Variants in CCDC122 observed in about 807,000 individuals in gnomAD.
The protein encoded by CCDC122 is coiled-coil domain containing 122, also known as coiled-coil domain-containing protein 122.
A neutral mutation model predicts 37.0 loss-of-function variants in CCDC122; 38 were observed. The observed-to-expected ratio is 1.03, with a 90% CI of 0.79 to 1.35. The LOEUF is 1.35. CCDC122 is among the 40% of genes most tolerant of loss of function. The pLI, the probability that CCDC122 is intolerant of heterozygous loss-of-function variation, is 0.00. For missense variants in CCDC122, 305 were observed against 310.0 expected, an observed-to-expected ratio of 0.98 and a Z score of 0.12; for synonymous variants, 83 against 95.6, an observed-to-expected ratio of 0.87 and a Z score of 0.77.
rs1371162303 is a variant in CCDC122 at position 43,869,416 on chromosome 13, C to G, written c.-40G>C. On this transcript the variant is annotated 5_prime_UTR_variant, in exon 3 of 7. Transcript: ENST00000444614. ...ATCTCTTTTCCCCTTTTTGATTTACCTTCTTTACTCCTACTCAATAATCTA... is the reference window on the plus strand; with the variant it reads ...ATCTCTTTTCCCCTTTTTGATTTACGTTCTTTACTCCTACTCAATAATCTA... 6.7e-7 allele frequency: 1 copy of G among 1,491,496 alleles called. No homozygotes were observed. Among genetic ancestry groups the G allele is most frequent in the South Asian group, 1.2e-5 (1 of 84,952 alleles). 92.4% of individuals were successfully genotyped at this position (1,491,496 alleles called of 1,614,324 possible).
intron 3 of CCDC122, among the ~76,000 whole-genome samples, chr13:43,826,542 C>T (rs918020459): frequency 3.3e-5 from 5 of 152,066 alleles, no homozygotes; most frequent in Admixed American, 2.0e-4. Flanking sequence ...TTAATGAAAG[C>T]TCAAAACTCC....
chr13:43,874,837 T>C lies in CCDC122; in HGVS notation c.-114+5A>G, dbSNP rs1954560933. The C allele has an allele frequency of 6.6e-6, 1 of 152,296 alleles. No individual in the cohort carries two copies. The highest frequency in any genetic ancestry group is 1.5e-5 in the Non-Finnish European group (1 of 68,040). 9.4% of individuals were successfully genotyped at this position (152,296 alleles called of 1,614,324 possible). On this transcript the variant is annotated splice_donor_5th_base_variant and intron_variant, in intron 2 of 6. Transcript: ENST00000444614. Reference sequence around the variant, plus strand: ...TAATTGAATAATTAAAAATAAACTGTATACCTATTATACACCAGTACCGCT... The same window carrying C: ...TAATTGAATAATTAAAAATAAACTGCATACCTATTATACACCAGTACCGCT...
chr13:43,842,354 T>C (rs1953384594), intron 6 of CCDC122, among the ~76,000 whole-genome samples: 1 of 152,130 alleles, frequency 6.6e-6, no homozygotes, highest in Admixed American at 6.5e-5. Context: ...TGACAAAATA[T>C]GATTAATTTC....
intron 4 of CCDC122, among the ~76,000 whole-genome samples, chr13:43,864,044 T>C (rs996385261): frequency 6.6e-6 from 1 of 152,164 alleles, no homozygotes; most frequent in African/African-American, 2.4e-5. Context: ...AATTTGAGGT[T>C]CAGAATTTTT....
chr13:43,858,851 G>C lies in CCDC122; in HGVS notation c.602C>G (p.Ser201Cys). ...LKDKIITVKE[S>C]IIEKTCFLEE... ...AAGAAAACAAGTTTTTTCAATGATA[G>C]ATTCTTTTACAGTTATAATTTTATC... Residue 201 changes from serine (S) to cysteine (C), a missense_variant, in exon 6 of 7, where the codon TCT becomes TGT. Transcript: ENST00000444614. The C allele has an allele frequency of 7.1e-7, 1 of 1,411,414 alleles. No individual in the cohort carries two copies. Among genetic ancestry groups the C allele is most frequent in the African/African-American group, 1.5e-5 (1 of 68,710 alleles). 87.4% of individuals were successfully genotyped at this position (1,411,414 alleles called of 1,614,324 possible).
downstream of CCDC122, among the ~76,000 whole-genome samples, chr13:43,820,879 G>T (rs778429311): frequency 1.6e-4 from 25 of 152,186 alleles, no homozygotes; most frequent in Non-Finnish European, 2.8e-4. Context: ...ATTTTGAAGG[G>T]TATGCGTTCT....
rs1954014785 is a variant in CCDC122 at position 43,858,842 on chromosome 13, TC to T, written c.610del (p.Glu204LysfsTer16). 1 of 1,426,456 alleles carries T rather than the reference TC, an allele frequency of 7.0e-7. No homozygotes were observed. Among genetic ancestry groups the T allele is most frequent in the South Asian group, 1.3e-5 (1 of 74,272 alleles). The allele number at this position is 1,426,456 out of a possible 1,614,324, so 88.4% of individuals were successfully genotyped here. On this transcript the variant is annotated frameshift_variant, in exon 6 of 7. Coordinates refer to ENST00000444614, the MANE Select transcript of CCDC122 (RefSeq NM_144974.5). LOFTEE classifies it high-confidence loss of function. The stretch of plus-strand genomic sequence containing the variant: ...TTCTTCCTCAAGAAAACAAGTTTTT[TC>T]AATGATAGATTCTTTTACAGTTATA... ...KIITVKESII[E>X]KTCFLEEEKK...
intron 2 of CCDC122, among the ~76,000 whole-genome samples, chr13:43,870,671 T>C (rs747583637): frequency 2.6e-5 from 4 of 152,102 alleles, no homozygotes; most frequent in Middle Eastern, 3.2e-3. Context: ...GTAACTCATT[T>C]AACCCTATAA....
chr13:43,850,094 AT>A (rs1462106986), intron 6 of CCDC122, among the ~76,000 whole-genome samples: 2 of 152,156 alleles, frequency 1.3e-5, no homozygotes, highest in Non-Finnish European at 2.9e-5. Context: ...AGTAGCAAGG[AT>A]TCCTTTTCCC....
intron 6 of CCDC122, chr13:43,849,035 CG>C (rs1953638424): frequency 1.1e-6 from 1 of 947,508 alleles, no homozygotes; most frequent in Non-Finnish European, 1.3e-6. Context: ...AAAAATGTAA[CG>C]TTTTAAGAAA....
chr13:43,843,615 AAC>A (rs1251699152), intron 6 of CCDC122, among the ~76,000 whole-genome samples: 1 of 151,800 alleles, frequency 6.6e-6, no homozygotes, highest in Non-Finnish European at 1.5e-5. Flanking sequence ...TATTTTCTGA[AAC>A]AGTCTGTTTA....
At chr13:43,828,544 T>A (rs2153868138) in intron 3 of CCDC122, among the ~76,000 whole-genome samples, 1 of 130,458 alleles carries the variant, frequency 7.7e-6, no homozygotes, top group South Asian at 2.6e-4. Flanking sequence ...TGAGCCTATT[T>A]TATAGACAGA....
At chr13:43,855,052 T>C (rs573513898) in intron 6 of CCDC122, 1 of 152,292 alleles carries the variant, frequency 6.6e-6, no homozygotes, top group South Asian at 2.1e-4. Context: ...GGCATTCCTC[T>C]TGAAAACCAG....
intron 1 of CCDC122, 52 bp downstream of exon 1, chr13:43,879,579 C>A (rs902125794): frequency 2.6e-5 from 4 of 152,234 alleles, no homozygotes; most frequent in African/African-American, 9.6e-5. Flanking sequence ...CCCCAGCTCT[C>A]GCGCTGGGCC....
intron 1 of CCDC122, among the ~76,000 whole-genome samples, chr13:43,875,710 C>T (rs377622796): frequency 2.6e-5 from 4 of 152,246 alleles, no homozygotes; most frequent in African/African-American, 9.6e-5. Flanking sequence ...TGGCATCTTC[C>T]CTAACTTTTG....
chr13:43,839,349 G>A lies in CCDC122; in HGVS notation c.673-1920C>T, dbSNP rs568035502. Among the ~76,000 whole-genome samples the A allele has an allele frequency of 1.9e-3, 287 of 152,190 alleles. 2 individuals are homozygous for A. The highest frequency in any genetic ancestry group is 6.6e-3 in the African/African-American group (272 of 41,514). On this transcript the variant is annotated intron_variant, in intron 6 of 6. Coordinates refer to ENST00000444614, the MANE Select transcript of CCDC122 (RefSeq NM_144974.5). ...ATATAAATGGAATTGTACAATAGGT[G>A]GTCTTTTGTGACTGGCTTCTTTCAC...
At chr13:43,862,329 G>A (rs1954133437) in intron 4 of CCDC122, among the ~76,000 whole-genome samples, 2 of 151,832 alleles carry the variant, frequency 1.3e-5, no homozygotes, top group Non-Finnish European at 2.9e-5. Flanking sequence ...ATTATTGTTT[G>A]GTCTACTTTA....
chr13:43,856,559 G>A (rs1046945332), intron 6 of CCDC122: 4 of 169,034 alleles, frequency 2.4e-5, no homozygotes, highest in South Asian at 1.2e-4. Context: ...GAACCTGGGA[G>A]GCAGAGCTTG....
chr13:43,840,014 ATTTGAACACAG>A (rs1437651730), intron 6 of CCDC122, among the ~76,000 whole-genome samples: 6 of 152,214 alleles, frequency 3.9e-5, no homozygotes, highest in African/African-American at 1.4e-4. Flanking sequence ...TGTTTGCCTT[ATTTGAACACAG>A]TTTGAACACT....
Sources: allele counts gnomAD v4.1 joint callset (sites outside exome capture counted in the v4.1 genomes callset), GRCh38; gene constraint gnomAD v4.1.1; transcripts MANE v1.5; gene names NCBI Gene and HGNC (gene_info 2026-07-23, HGNC 2026-07-21).